DOCK3: variants seen among roughly 807,000 people sequenced by gnomAD.
The protein encoded by DOCK3 is dedicator of cytokinesis 3.
In DOCK3, 60 loss-of-function variants were observed where a neutral mutation model predicts 265.6. That is an observed-to-expected ratio of 0.23 (90% CI 0.18 to 0.28). The LOEUF is 0.28. Ranked by LOEUF, DOCK3 falls within the 10% of genes least tolerant of loss-of-function variation. The pLI is 1.00. For synonymous variants in DOCK3, 881 were observed against 938.0 expected (o/e 0.94, Z 1.11); for missense variants, 1,981 against 2,594.3 (o/e 0.76, Z 5.14).
At chr3:51,222,729 A>G (rs1312602987) in intron 14 of DOCK3, among the ~76,000 whole-genome samples, 1 of 152,166 alleles carries the variant, frequency 6.6e-6, no homozygotes, top group Non-Finnish European at 1.5e-5. Context: ...AATTACTTGT[A>G]TTGATAAATT....
In DOCK3 at chr3:51,009,457, G is replaced by A. The variant is rs188539868; in HGVS notation, c.316-54991G>A. On this transcript the variant is annotated intron_variant, in intron 5 of 52. Transcript: ENST00000266037. ...TAGTTTGTATTTCTTTGGGATCGAT[G>A]GTGATAACCCCTTTATCGTTTTTTA... Among the ~76,000 whole-genome samples the A allele has an allele frequency of 2.4e-4, 37 of 152,160 alleles. No individual in the cohort carries two copies. The East Asian group carries it at 5.0e-3, about 21-fold the overall frequency.
At chr3:51,225,963 T>C (rs1188721385) in intron 15 of DOCK3, among the ~76,000 whole-genome samples, 190 bp downstream of exon 15, 1 of 152,234 alleles carries the variant, frequency 6.6e-6, no homozygotes, top group African/African-American at 2.4e-5. Flanking sequence ...TGTACAGCCA[T>C]TGCAGAAATT....
chr3:50,787,789 T>G, intron 2 of DOCK3: 1 of 1,117,470 alleles, frequency 8.9e-7, no homozygotes, highest in Non-Finnish European at 1.3e-6. Flanking sequence ...TCCATAGTCA[T>G]TGCTGTTATC....
chr3:51,125,638 T>C (rs1021344180), intron 9 of DOCK3, among the ~76,000 whole-genome samples: 3 of 152,178 alleles, frequency 2.0e-5, no homozygotes, highest in African/African-American at 7.2e-5. Context: ...ATGTATATTC[T>C]GGTATTCTTA....
intron 5 of DOCK3, among the ~76,000 whole-genome samples, chr3:51,017,956 G>A (rs1044252076): frequency 2.0e-5 from 3 of 151,500 alleles, no homozygotes; most frequent in Non-Finnish European, 2.9e-5. Flanking sequence ...GCAGTGGCAC[G>A]ATCTCGGCTC....
intron 38 of DOCK3, 89 bp downstream of exon 38, chr3:51,341,474 G>A: frequency 1.3e-6 from 2 of 1,554,438 alleles, no homozygotes; most frequent in Admixed American, 1.9e-5. Context: ...GCAGCTGCAG[G>A]GGGTAGTGTG....
chr3:50,799,113 T>C (rs906645291), intron 2 of DOCK3, among the ~76,000 whole-genome samples: 2 of 152,218 alleles, frequency 1.3e-5, no homozygotes, highest in African/African-American at 4.8e-5. Flanking sequence ...CATGCTGTTT[T>C]GGTTACTATT....
chr3:51,243,914 A>G (rs2078716465), intron 21 of DOCK3, among the ~76,000 whole-genome samples: 1 of 152,152 alleles, frequency 6.6e-6, no homozygotes, highest in Non-Finnish European at 1.5e-5. Flanking sequence ...TTCTTTTTGC[A>G]TGTGGATATC....
At chr3:50,689,603 C>A (rs6776224) in intron 1 of DOCK3, among the ~76,000 whole-genome samples, 118,765 of 152,088 alleles carry the variant, frequency 0.78, 47,475 homozygotes, top group Middle Eastern at 0.89. Context: ...ATTCAAGATA[C>A]GATTTGGGTA....
chr3:50,880,886 CT>C (rs2047985856), intron 3 of DOCK3, among the ~76,000 whole-genome samples: 1 of 152,160 alleles, frequency 6.6e-6, no homozygotes, highest in Admixed American at 6.5e-5. Flanking sequence ...CAATAAAATA[CT>C]GGCAAACTGA....
At chr3:50,729,455 T>A (rs1337783964) in intron 1 of DOCK3, among the ~76,000 whole-genome samples, 2 of 151,924 alleles carry the variant, frequency 1.3e-5, no homozygotes, top group Non-Finnish European at 2.9e-5. Flanking sequence ...TAGTTACATA[T>A]GTATACATGT....
intron 1 of DOCK3, among the ~76,000 whole-genome samples, chr3:50,743,931 T>A (rs1238579154): frequency 6.6e-6 from 1 of 152,216 alleles, no homozygotes; most frequent in Non-Finnish European, 1.5e-5. Context: ...TTTCTCCACA[T>A]TCTTATAAGC....
intron 2 of DOCK3, among the ~76,000 whole-genome samples, chr3:50,832,866 TG>T (rs2045274052): frequency 6.6e-6 from 1 of 152,128 alleles, no homozygotes; most frequent in South Asian, 2.1e-4. Context: ...AGCATTGGTT[TG>T]TCGAGGGCCG....
chr3:51,343,342 A>T (rs901651292), intron 38 of DOCK3, among the ~76,000 whole-genome samples: 5 of 152,228 alleles, frequency 3.3e-5, no homozygotes, highest in Admixed American at 3.3e-4. Context: ...CATTTAGGTG[A>T]TGATGGCCCC....
chr3:51,019,524 C>T (rs1376388686), intron 5 of DOCK3, among the ~76,000 whole-genome samples: 3 of 151,790 alleles, frequency 2.0e-5, no homozygotes, highest in African/African-American at 7.3e-5. Context: ...AGGTTTGTTA[C>T]ATAAACGTGT....
At chr3:51,321,102 C>T (rs947065111) in intron 32 of DOCK3, among the ~76,000 whole-genome samples, 1 of 152,168 alleles carries the variant, frequency 6.6e-6, no homozygotes, top group African/African-American at 2.4e-5. Flanking sequence ...GGTGGGTGCC[C>T]TTCTGGGATG....
intron 27 of DOCK3, among the ~76,000 whole-genome samples, chr3:51,298,525 C>T (rs1365448073): frequency 2.6e-5 from 4 of 152,132 alleles, no homozygotes; most frequent in Non-Finnish European, 1.5e-5. Context: ...GTATTAAGCC[C>T]AGCACGCATT....
At chr3:51,221,572 G>A (rs1433528985) in intron 14 of DOCK3, among the ~76,000 whole-genome samples, 1 of 152,300 alleles carries the variant, frequency 6.6e-6, no homozygotes, top group South Asian at 2.1e-4. Context: ...CCAGTTTTCT[G>A]AGTGCAGCTG....
chr3:50,724,123 T>C (rs568798324), intron 1 of DOCK3, among the ~76,000 whole-genome samples: 2 of 152,262 alleles, frequency 1.3e-5, no homozygotes, highest in Non-Finnish European at 2.9e-5. Context: ...ATTAGAGAAA[T>C]GCAAATCAAA....
Sources: allele counts gnomAD v4.1 joint callset (sites outside exome capture counted in the v4.1 genomes callset), GRCh38; gene constraint gnomAD v4.1.1; transcripts MANE v1.5; gene names NCBI Gene and HGNC (gene_info 2026-07-23, HGNC 2026-07-21).